Variants in ZNF521 observed in about 807,000 individuals in gnomAD.
ZNF521 encodes LYST-interacting protein 3.
In ZNF521, 14 loss-of-function variants were observed where a neutral mutation model predicts 105.5. The observed-to-expected ratio is 0.13, with a 90% CI of 0.09 to 0.21. The LOEUF is 0.21. ZNF521 is among the 10% of genes least tolerant of loss of function. The probability of loss-of-function intolerance (pLI) is 1.00; values close to 1 mark genes in which losing one functional copy is unlikely to be tolerated. For synonymous variants in ZNF521, 635 were observed against 606.0 expected (o/e 1.05, Z -0.70); for missense variants, 1,233 against 1,629.7 (o/e 0.76, Z 4.19).
At position 25,273,220 on chromosome 18, in the gene ZNF521, C is replaced by CAAAAAAA. The variant is rs67381140; in HGVS notation, c.221-45530_221-45524dup. On this transcript the variant is annotated intron_variant, in intron 3 of 7. Coordinates refer to ENST00000361524, the MANE Select transcript of ZNF521 (RefSeq NM_015461.3). ...CCCAAGAGGAGTGAAACCCTGTCTC[C>CAAAAAAA]AAAAAAAAAAAAAAAAAAAAAAAAA... 2.2e-3 allele frequency among the ~76,000 whole-genome samples: 89 copies of CAAAAAAA among 40,876 alleles called. 6 individuals are homozygous for CAAAAAAA. The highest frequency in any genetic ancestry group is 2.6e-3 in the Non-Finnish European group (61 of 23,186). 26.8% of individuals were successfully genotyped at this position (40,876 alleles called of 152,430 possible).
intron 5 of ZNF521, among the ~76,000 whole-genome samples, chr18:25,116,347 G>A (rs2034301451): frequency 6.6e-6 from 1 of 152,120 alleles, no homozygotes; most frequent in South Asian, 2.1e-4. Flanking sequence ...TTTAGATAAT[G>A]GGTTGCATTG....
At chr18:25,139,025 T>TCAAGAATATCAAGAAGA (rs1248562226) in intron 5 of ZNF521, among the ~76,000 whole-genome samples, 1 of 152,166 alleles carries the variant, frequency 6.6e-6, no homozygotes, top group Non-Finnish European at 1.5e-5. Context: ...GAAGAATCTA[T>TCAAGAATATCAAGAAGA]ATGCCTGTTG....
rs45577831 is a variant in ZNF521 at position 25,197,511 on chromosome 18, G to T, written c.3574-2267C>A. Among the ~76,000 whole-genome samples the T allele has an allele frequency of 2.0e-5, 3 of 151,376 alleles. No individual in the cohort carries two copies. In the East Asian group the frequency reaches 5.8e-4, roughly 29 times the overall value. On this transcript the variant is annotated intron_variant, in intron 4 of 7. Transcript: ENST00000361524. The stretch of plus-strand genomic sequence containing the variant: ...ATCTCATTATAATTATAGATTATTC[G>T]CAAAATATTTGAGAGATCCCTGCAC...
chr18:25,067,579 T>C (rs1295252337), intron 7 of ZNF521, among the ~76,000 whole-genome samples: 1 of 152,208 alleles, frequency 6.6e-6, no homozygotes, highest in East Asian at 1.9e-4. Flanking sequence ...AAGAAAAATA[T>C]TTTTAAGTAA....
intron 3 of ZNF521, among the ~76,000 whole-genome samples, chr18:25,239,571 G>A (rs1389995494): frequency 6.6e-6 from 1 of 152,200 alleles, no homozygotes; most frequent in African/African-American, 2.4e-5. Context: ...TGAGAAAAGA[G>A]GAAGGGAGCT....
chr18:25,181,295 C>T (rs993338971), intron 5 of ZNF521, among the ~76,000 whole-genome samples: 8 of 152,158 alleles, frequency 5.3e-5, no homozygotes, highest in African/African-American at 1.9e-4. Flanking sequence ...CACAATTTGA[C>T]CTCAGAAACA....
At chr18:25,237,748 C>G (rs1600195134) in intron 3 of ZNF521, among the ~76,000 whole-genome samples, 1 of 152,172 alleles carries the variant, frequency 6.6e-6, no homozygotes, top group Admixed American at 6.5e-5. Flanking sequence ...TACAAAGCTT[C>G]CTCCCACATC....
At chr18:25,322,263 C>A in intron 2 of ZNF521, 76 bp from the exon 3 acceptor site, 2 of 1,441,052 alleles carry the variant, frequency 1.4e-6, no homozygotes, top group South Asian at 1.1e-5. Context: ...TTCTTGCTAC[C>A]AAAAACAGAA....
At chr18:25,316,768 C>G (rs1226112529) in intron 3 of ZNF521, among the ~76,000 whole-genome samples, 1 of 151,908 alleles carries the variant, frequency 6.6e-6, no homozygotes, top group East Asian at 1.9e-4. Flanking sequence ...AGAAATAATC[C>G]TGAACAACAA....
Position 25,217,944 on chromosome 18 carries a change from G to A in ZNF521, c.3573+6401C>T, listed in dbSNP as rs572919027. On this transcript the variant is annotated intron_variant, in intron 4 of 7. Coordinates refer to ENST00000361524, the MANE Select transcript of ZNF521 (RefSeq NM_015461.3). ...TAAGCTGGACAGCCTTCTGGAAGGT[G>A]GAAGACAGTCAAGAGGAGAGAGGTT... 2.7e-4 allele frequency among the ~76,000 whole-genome samples: 41 copies of A among 152,312 alleles called. 1 individual carries two copies. Among genetic ancestry groups the A allele is most frequent in the African/African-American group, 9.6e-4 (40 of 41,566 alleles).
intron 3 of ZNF521, among the ~76,000 whole-genome samples, chr18:25,228,639 A>G (rs1401206353): frequency 6.6e-6 from 1 of 152,266 alleles, no homozygotes; most frequent in Non-Finnish European, 1.5e-5. Context: ...GGAAACAGGA[A>G]AAGTGATAAA....
intron 3 of ZNF521, among the ~76,000 whole-genome samples, chr18:25,237,941 A>T (rs1459234551): frequency 2.6e-5 from 4 of 152,224 alleles, no homozygotes; most frequent in Admixed American, 6.5e-5. Context: ...CATAAGATTT[A>T]AGACCTGTGA....
intron 5 of ZNF521, among the ~76,000 whole-genome samples, chr18:25,168,711 C>T (rs2035393339): frequency 6.6e-6 from 1 of 152,206 alleles, no homozygotes. Flanking sequence ...CTTTTGACTC[C>T]TGCTGGAAGT....
At chr18:25,064,542 G>A (rs1462376692) in intron 7 of ZNF521, among the ~76,000 whole-genome samples, 1 of 152,238 alleles carries the variant, frequency 6.6e-6, no homozygotes, top group Non-Finnish European at 1.5e-5. Context: ...AAGAATATGA[G>A]CTGTCTTATC....
At chr18:25,322,432 A>C in intron 2 of ZNF521, 1 of 562,280 alleles carries the variant, frequency 1.8e-6, no homozygotes, top group Non-Finnish European at 3.2e-6. Context: ...CTCCCATCAA[A>C]TCACTCACCC....
rs142004593 is a variant in ZNF521 at position 25,067,951 on chromosome 18, C to T, written c.3907-5210G>A. 3.7e-3 allele frequency among the ~76,000 whole-genome samples: 556 copies of T among 152,192 alleles called. 1 individual carries two copies. The highest frequency in any genetic ancestry group is 0.013 in the African/African-American group (537 of 41,528). ...ATTCAAAGATGTTAATCATTTTTACCATGACTTGTTTATTTATAGCCTTTT... is the reference window on the plus strand; with the variant it reads ...ATTCAAAGATGTTAATCATTTTTACTATGACTTGTTTATTTATAGCCTTTT... On this transcript the variant is annotated intron_variant, in intron 7 of 7. Transcript: ENST00000361524.
At chr18:25,165,863 A>C (rs1323117231) in intron 5 of ZNF521, among the ~76,000 whole-genome samples, 2 of 152,234 alleles carry the variant, frequency 1.3e-5, no homozygotes, top group Non-Finnish European at 2.9e-5. Flanking sequence ...ATTCTAGCAC[A>C]TGTGCATAAG....
chr18:25,079,845 C>T (rs1471539168), intron 7 of ZNF521, among the ~76,000 whole-genome samples: 2 of 152,102 alleles, frequency 1.3e-5, no homozygotes, highest in African/African-American at 2.4e-5. Context: ...CACCTTTCAC[C>T]CTTATAAACT....
chr18:25,169,839 A>T (rs1386686873), intron 5 of ZNF521, among the ~76,000 whole-genome samples: 1 of 152,214 alleles, frequency 6.6e-6, no homozygotes, highest in African/African-American at 2.4e-5. Context: ...CACTATACTA[A>T]TAAGGTCCTT....
Sources: gnomAD v4.1 joint callset for allele counts (sites outside exome capture counted in the v4.1 genomes callset) on GRCh38, gnomAD v4.1.1 for gene constraint, MANE v1.5 for transcripts, NCBI Gene and HGNC (gene_info 2026-07-23, HGNC 2026-07-21) for gene names.